The following NFASC variants were observed in gnomAD, a reference collection of about 807,000 sequenced individuals.
The protein encoded by NFASC is neurofascin homolog.
A neutral mutation model predicts 147.5 loss-of-function variants in NFASC; 43 were observed. The observed-to-expected ratio is 0.29, with a 90% confidence interval of 0.23 to 0.38. The LOEUF is 0.38. NFASC is among the 10% of genes least tolerant of loss of function. The pLI is 1.00. For synonymous variants in NFASC, 622 were observed against 665.5 expected (o/e 0.93, Z 1.01); for missense variants, 1,320 against 1,689.0 (o/e 0.78, Z 3.83).
chr1:205,013,129 G>C (rs1261756395), intron 29 of NFASC, among the ~76,000 whole-genome samples: 3 of 152,184 alleles, frequency 2.0e-5, no homozygotes, highest in African/African-American at 7.2e-5. Context: ...TTAGTTTGAC[G>C]AACAGCATTT....
intron 1 of NFASC, among the ~76,000 whole-genome samples, chr1:204,841,569 G>A (rs963500203): frequency 2.6e-5 from 4 of 152,116 alleles, no homozygotes; most frequent in African/African-American, 9.7e-5. Flanking sequence ...CTGAGGCTGT[G>A]ACATCTTCCC....
chr1:204,925,168 T>C (rs1279170487), intron 2 of NFASC, among the ~76,000 whole-genome samples: 1 of 152,198 alleles, frequency 6.6e-6, no homozygotes, highest in Non-Finnish European at 1.5e-5. Flanking sequence ...AAAGGACCAA[T>C]AGTTTTTGAA....
In NFASC at chr1:204,968,955, C is replaced by T. The variant is rs570888878; in HGVS notation, c.976C>T (p.Arg326Trp). Residue 326 changes from arginine (R) to tryptophan (W), a missense_variant, in exon 10 of 30, where the codon CGG becomes TGG. Physicochemically the swap from Arg to Trp is moderately radical, Grantham distance 101. Coordinates refer to ENST00000339876, the MANE Select transcript of NFASC (RefSeq NM_001005388.3). The surrounding 1 kb of genome is among the most constrained non-coding windows in gnomAD (Gnocchi z 5.4). Reference protein sequence around the residue: ...CLASNKMGSIRHTISVRVKAA... With the variant: ...CLASNKMGSIWHTISVRVKAA... ...GGCCTCCAACAAGATGGGCAGCATC[C>T]GGCACACGATCTCGGTGAGAGTAAA... 1.3e-5 allele frequency: 21 copies of T among 1,613,894 alleles called. No individual in the cohort carries two copies. The highest frequency in any genetic ancestry group is 4.5e-5 in the East Asian group (2 of 44,862).
chr1:204,889,756 G>A (rs919328585), intron 1 of NFASC, among the ~76,000 whole-genome samples: 4 of 152,198 alleles, frequency 2.6e-5, no homozygotes, highest in South Asian at 2.1e-4. Context: ...GAAACAGTCC[G>A]GGAAGGCCAA....
At chr1:204,845,722 C>T (rs549524905) in intron 1 of NFASC, among the ~76,000 whole-genome samples, 3 of 151,968 alleles carry the variant, frequency 2.0e-5, no homozygotes, top group South Asian at 2.1e-4. Context: ...GGCAGCATAG[C>T]GAAATGCCAT....
intron 8 of NFASC, among the ~76,000 whole-genome samples, chr1:204,958,957 A>G (rs1341921513): frequency 6.6e-6 from 1 of 152,102 alleles, no homozygotes; most frequent in Non-Finnish European, 1.5e-5. Flanking sequence ...CTGATGGCAG[A>G]GGCTGGTGGT....
intron 1 of NFASC, among the ~76,000 whole-genome samples, chr1:204,920,311 C>T (rs1031792382): frequency 1.3e-5 from 2 of 151,944 alleles, no homozygotes; most frequent in Non-Finnish European, 2.9e-5. Context: ...AGAGATTCTT[C>T]GAGGTATGGC....
chr1:204,906,376 T>C (rs1209021045), intron 1 of NFASC, among the ~76,000 whole-genome samples: 1 of 152,196 alleles, frequency 6.6e-6, no homozygotes, highest in Non-Finnish European at 1.5e-5. Context: ...TTCTCTCCCC[T>C]TAATCCCAAC....
rs2095645965 is a variant in NFASC at position 204,987,784 on chromosome 1, C to T, written c.2593+244C>T. Reference sequence around the variant, plus strand: ...CTCACTGATGAGACAAAGGGACCTCCAGTCTAATGAAGCAGACAGCCATGC... The same window carrying T: ...CTCACTGATGAGACAAAGGGACCTCTAGTCTAATGAAGCAGACAGCCATGC... On this transcript the variant is annotated intron_variant, in intron 22 of 29. Coordinates refer to ENST00000339876, the MANE Select transcript of NFASC (RefSeq NM_001005388.3). The surrounding 1 kb of genome is among the most constrained non-coding windows in gnomAD (Gnocchi z 4.4). 6.6e-6 allele frequency among the ~76,000 whole-genome samples: 1 copy of T among 152,190 alleles called. No homozygotes were observed. Among genetic ancestry groups the T allele is most frequent in the Non-Finnish European group, 1.5e-5 (1 of 68,032 alleles).
intron 8 of NFASC, among the ~76,000 whole-genome samples, chr1:204,966,319 G>C (rs960654702): frequency 6.6e-6 from 1 of 152,094 alleles, no homozygotes; most frequent in African/African-American, 2.4e-5. Flanking sequence ...TAAATTAAAC[G>C]TCCATAGGGT....
intron 2 of NFASC, among the ~76,000 whole-genome samples, chr1:204,936,342 C>T (rs934424931): frequency 2.0e-5 from 3 of 151,938 alleles, no homozygotes; most frequent in Admixed American, 2.0e-4. Context: ...GCTGGGATTA[C>T]AGGCGTGCAC....
chr1:204,835,825 A>G (rs772878351), intron 1 of NFASC, among the ~76,000 whole-genome samples: 2 of 152,106 alleles, frequency 1.3e-5, no homozygotes, highest in Non-Finnish European at 2.9e-5. Flanking sequence ...GCCTTCTAGG[A>G]TGGGAGACTT....
chr1:204,832,286 T>G (rs1672439401), intron 1 of NFASC, among the ~76,000 whole-genome samples: 1 of 152,136 alleles, frequency 6.6e-6, no homozygotes, highest in South Asian at 2.1e-4. Flanking sequence ...AGGGGTAAAG[T>G]GTGGCTGGAT....
chr1:204,900,255 G>C (rs2084267572), intron 1 of NFASC, among the ~76,000 whole-genome samples: 1 of 152,142 alleles, frequency 6.6e-6, no homozygotes, highest in Admixed American at 6.5e-5. Context: ...TGGGCTGAGG[G>C]GGATAAAGGA....
chr1:204,840,283 C>T (rs1006743032), intron 1 of NFASC, among the ~76,000 whole-genome samples: 14 of 152,304 alleles, frequency 9.2e-5, no homozygotes, highest in Middle Eastern at 6.8e-3. Context: ...GGAGATCTTA[C>T]AATATGCTGA....
At chr1:204,917,507 G>T (rs756772213) in intron 1 of NFASC, among the ~76,000 whole-genome samples, 2 of 152,118 alleles carry the variant, frequency 1.3e-5, no homozygotes, top group Non-Finnish European at 2.9e-5. Context: ...TTGTTAAACA[G>T]TTTTCAAAGT....
In NFASC at chr1:204,997,204, G is replaced by C. The variant is rs542519076; in HGVS notation, c.2817G>C (p.Ala939=). Residue 939 remains alanine, a synonymous_variant, in exon 25 of 30, where the codon GCG becomes GCC. Coordinates refer to ENST00000339876, the MANE Select transcript of NFASC (RefSeq NM_001005388.3). Reference sequence around the variant, plus strand: ...CATTGCCCCCGACTACCGTGGGTGCGACGGGCGCTGTGAGCAGTACCGATG... The same window carrying C: ...CATTGCCCCCGACTACCGTGGGTGCCACGGGCGCTGTGAGCAGTACCGATG... ...PPTLPPTTVG[A]TGAVSSTDAT... 1 of 1,613,542 alleles carries C rather than the reference G, an allele frequency of 6.2e-7. No individual in the cohort carries two copies. Among genetic ancestry groups the C allele is most frequent in the African/African-American group, 1.3e-5 (1 of 74,850 alleles).
intron 11 of NFASC, among the ~76,000 whole-genome samples, chr1:204,971,260 C>A (rs536267302): frequency 4.6e-4 from 70 of 152,290 alleles, no homozygotes; most frequent in African/African-American, 1.5e-3. Flanking sequence ...AGCAGATGTA[C>A]AAGTGCACTT....
intron 1 of NFASC, among the ~76,000 whole-genome samples, chr1:204,846,952 CGTGTGTGT>C (rs917596959): frequency 4.0e-5 from 5 of 124,586 alleles, no homozygotes; most frequent in African/African-American, 6.2e-5. Context: ...TGTGTGTACG[CGTGTGTGT>C]GTGTGTGTGT....
Sources: gnomAD v4.1 joint callset for allele counts (sites outside exome capture counted in the v4.1 genomes callset) on GRCh38, gnomAD v4.1.1 for gene constraint, Gnocchi (gnomAD v3.1) non-coding constraint, MANE v1.5 for transcripts, NCBI Gene and HGNC (gene_info 2026-07-23, HGNC 2026-07-21) for gene names.